PSG6: variants seen among roughly 807,000 people sequenced by gnomAD.
The protein encoded by PSG6 is pregnancy specific beta-1-glycoprotein 6.
A neutral mutation model predicts 43.3 loss-of-function variants in PSG6; 51 were observed. That is an observed-to-expected ratio of 1.18 (90% CI 0.94 to 1.49). PSG6 has a LOEUF of 1.49. Among genes scored for constraint, PSG6 ranks in the 40% most tolerant of loss-of-function variants. PSG6 has a pLI of 0.00. For synonymous variants in PSG6, 292 were observed against 197.6 expected, an observed-to-expected ratio of 1.48 and a Z score of -4.01; for missense variants, 770 against 522.2, an observed-to-expected ratio of 1.47 and a Z score of -4.62.
At chr19:42,911,426 C>A (rs1379359049) in intron 2 of PSG6, among the ~76,000 whole-genome samples, 1 of 151,190 alleles carries the variant, frequency 6.6e-6, no homozygotes, top group African/African-American at 2.4e-5. Context: ...AGTCATCAGG[C>A]AGTGGAGCCA....
At position 42,916,386 on chromosome 19, in the gene PSG6, G is replaced by A. The variant is rs776844168; in HGVS notation, c.166C>T (p.His56Tyr). The stretch of plus-strand genomic sequence containing the variant: ...CCAGTAAGATTCTGGGGCAAATTGT[G>A]GACAAGTAGAAGAACATCCTTCCCC... Reference protein sequence around the residue: ...SEGKDVLLLVHNLPQNLTGYI... With the variant: ...SEGKDVLLLVYNLPQNLTGYI... Residue 56 changes from histidine (H) to tyrosine (Y), a missense_variant, in exon 2 of 6, where the codon CAC becomes TAC. Coordinates refer to ENST00000187910, the MANE Select transcript of PSG6 (RefSeq NM_001031850.4). 1 of 1,612,008 alleles carries A rather than the reference G, an allele frequency of 6.2e-7. No homozygotes were observed. The highest frequency in any genetic ancestry group is 1.3e-5 in the African/African-American group (1 of 74,636).
chr19:42,914,420 A>G lies in PSG6; in HGVS notation c.427+1705T>C, dbSNP rs568853764. On this transcript the variant is annotated intron_variant, in intron 2 of 5. Coordinates refer to ENST00000187910, the MANE Select transcript of PSG6 (RefSeq NM_001031850.4). ...CCAGTCAGAATGAAGTGGGAGGAAG[A>G]TGAGGGACACAGAGAAGCAGAGAGA... Among the ~76,000 whole-genome samples, 312 of 150,102 alleles carry G rather than the reference A, an allele frequency of 2.1e-3. 5 individuals are homozygous for G. Among genetic ancestry groups the G allele is most frequent in the Admixed American group, 3.3e-3 (49 of 15,034 alleles).
rs147151035 is a variant in PSG6, at chr19:42,906,917, C to T, written c.1240+5G>A. 690 of 1,612,308 alleles carry T rather than the reference C, an allele frequency of 4.3e-4. 16 individuals carry two copies. In the African/African-American group the frequency reaches 8.1e-3, roughly 19 times the overall value. On this transcript the variant is annotated splice_donor_5th_base_variant and intron_variant, in intron 5 of 5. Transcript: ENST00000187910. ...CTATTGCCAAGGATGCTGGGATCCACTTACCAGAGACTTTGACTATCATGG... is the reference window on the plus strand; with the variant it reads ...CTATTGCCAAGGATGCTGGGATCCATTTACCAGAGACTTTGACTATCATGG...
At chr19:42,913,872 CA>C (rs1378141248) in intron 2 of PSG6, among the ~76,000 whole-genome samples, 1 of 151,498 alleles carries the variant, frequency 6.6e-6, no homozygotes, top group Non-Finnish European at 1.5e-5. Flanking sequence ...CAGCAGTACT[CA>C]TTTTTTAGTC....
rs560409163 is a variant in PSG6, at chr19:42,905,159, T to C, written c.1240+1763A>G. 5.9e-4 allele frequency among the ~76,000 whole-genome samples: 90 copies of C among 151,386 alleles called. 3 individuals carry two copies. Among genetic ancestry groups the C allele is most frequent in the Non-Finnish European group, 9.3e-4 (63 of 67,808 alleles). On this transcript the variant is annotated intron_variant, in intron 5 of 5. Transcript: ENST00000187910. ...TAGATCAAAGATCTAAATGTAAGAG[T>C]AAAAACTATACAACTCTTAGAAGAA...
intron 3 of PSG6, chr19:42,910,180 C>A (rs184505642): frequency 3.0e-6 from 1 of 336,926 alleles, no homozygotes; most frequent in Non-Finnish European, 5.6e-6. Context: ...CCATGCGGAG[C>A]AAAGAGAATA....
rs770737620 is a variant in PSG6, at chr19:42,916,197, AG to A, written c.354del (p.Tyr119ThrfsTer6). 8.1e-6 allele frequency: 13 copies of A among 1,612,146 alleles called. 1 individual carries two copies. In the African/African-American group the frequency reaches 1.3e-4, roughly 17 times the overall value. ...CCTCGCTTTATGATGTGTAAGGTGTAGGATCCTGCATCCTCCTGTGTGACAT... is the reference window on the plus strand; with the variant it reads ...CCTCGCTTTATGATGTGTAAGGTGTAGATCCTGCATCCTCCTGTGTGACAT... The part of the protein sequence containing the change: ...IQNVTQEDAG[S>X]YTLHIIKRGD... On this transcript the variant is annotated frameshift_variant, in exon 2 of 6. Transcript: ENST00000187910. LOFTEE classifies it high-confidence loss of function.
Position 42,914,620 on chromosome 19 carries a change from G to T in PSG6, c.427+1505C>A, listed in dbSNP as rs1199502192. 5.3e-5 allele frequency among the ~76,000 whole-genome samples: 8 copies of T among 151,392 alleles called. No individual in the cohort carries two copies. In the East Asian group the frequency reaches 9.7e-4, roughly 18 times the overall value. On this transcript the variant is annotated intron_variant, in intron 2 of 5. Transcript: ENST00000187910. ...GCTTTAGGGTCAAGAGGTAGTGGGG[G>T]GATGAAACATGGGTGTCAGCCTCTG...
chr19:42,912,716 C>T (rs1252257323), intron 2 of PSG6, among the ~76,000 whole-genome samples: 1 of 151,772 alleles, frequency 6.6e-6, no homozygotes, highest in Admixed American at 6.6e-5. Flanking sequence ...TCAGGAAACA[C>T]CACTAAAATT....
At position 42,916,731 on chromosome 19, in the gene PSG6, C is replaced by G. The variant is rs543366535; in HGVS notation, c.65-244G>C. 2.0e-4 allele frequency among the ~76,000 whole-genome samples: 30 copies of G among 151,186 alleles called. 1 individual carries two copies. The highest frequency in any genetic ancestry group is 6.8e-4 in the African/African-American group (28 of 41,186). ...ATTCCTTCAACACTCCTGACCTTGGCATTTTTCTGTTTGCAATCCTCTTCC... is the reference window on the plus strand; with the variant it reads ...ATTCCTTCAACACTCCTGACCTTGGGATTTTTCTGTTTGCAATCCTCTTCC... On this transcript the variant is annotated intron_variant, in intron 1 of 5. Transcript: ENST00000187910.
intron 5 of PSG6, 65 bp downstream of exon 5, chr19:42,906,857 C>G (rs943567314): frequency 1.1e-5 from 18 of 1,610,570 alleles, no homozygotes; most frequent in Non-Finnish European, 1.5e-5. Flanking sequence ...TTTCCTGACT[C>G]TTCTCTGAAA....
intron 4 of PSG6, 47 bp downstream of exon 4, chr19:42,907,529 G>C: frequency 6.2e-7 from 1 of 1,605,982 alleles, no homozygotes; most frequent in Non-Finnish European, 8.5e-7. Context: ...CTGGTCGTTT[G>C]GAGTTAAGCT....
Position 42,913,375 on chromosome 19 carries a change from C to A in PSG6, c.428-2517G>T, listed in dbSNP as rs184953040. On this transcript the variant is annotated intron_variant, in intron 2 of 5. Coordinates refer to ENST00000187910, the MANE Select transcript of PSG6 (RefSeq NM_001031850.4). ...CCATGTTAGCCAGGATGGTCTCTAT[C>A]TCCTGACCTTGTGCCCGCCTCAGCC... Among the ~76,000 whole-genome samples, 47 of 151,850 alleles carry A rather than the reference C, an allele frequency of 3.1e-4. 1 individual carries two copies. Among genetic ancestry groups the A allele is most frequent in the African/African-American group, 1.1e-3 (45 of 41,424 alleles).
chr19:42,908,426 A>G (rs1313772598), intron 3 of PSG6, among the ~76,000 whole-genome samples: 4 of 151,752 alleles, frequency 2.6e-5, no homozygotes, highest in African/African-American at 9.7e-5. Flanking sequence ...ATCAGGCACT[A>G]GAGGCACCAG....
At chr19:42,906,879 T>C (rs753464800) in intron 5 of PSG6, 43 bp downstream of exon 5, 1 of 1,611,506 alleles carries the variant, frequency 6.2e-7, no homozygotes, top group South Asian at 1.1e-5. Context: ...CCAGATAGAC[T>C]CCACCTAAAA....
intron 5 of PSG6, among the ~76,000 whole-genome samples, chr19:42,905,635 C>G (rs1396331090): frequency 6.6e-6 from 1 of 151,632 alleles, no homozygotes; most frequent in Non-Finnish European, 1.5e-5. Flanking sequence ...TACAGAGAAG[C>G]ATTACTCACA....
chr19:42,917,279 G>T (rs1200345267), intron 1 of PSG6, among the ~76,000 whole-genome samples: 1 of 150,636 alleles, frequency 6.6e-6, no homozygotes, highest in Non-Finnish European at 1.5e-5. Flanking sequence ...TTCCTATTTT[G>T]ACCCCTGTCC....
At chr19:42,905,870 A>C (rs1972103095) in intron 5 of PSG6, among the ~76,000 whole-genome samples, 1 of 151,682 alleles carries the variant, frequency 6.6e-6, no homozygotes, top group Admixed American at 6.6e-5. Flanking sequence ...TAGAATAGCC[A>C]GTTACATAGA....
In PSG6 at chr19:42,907,076, C is replaced by T. The variant is rs763828030; in HGVS notation, c.1086G>A (p.Glu362=). The T allele has an allele frequency of 2.5e-6, 4 of 1,612,584 alleles. 1 individual carries two copies. The highest frequency in any genetic ancestry group is 2.5e-6 in the Non-Finnish European group (3 of 1,179,278). ...ACTTCCCATTAATTGTCCAAGAATA[C>T]TCTGCCGGTGGGTTAGAGTCCGCAA... ...SCFADSNPPA[E]YSWTINGKFQ... is the part of the protein sequence containing the mutation. The change falls in exon 5 of 6, where the codon GAG becomes GAA. Residue 362 remains glutamate, a synonymous_variant. Coordinates refer to ENST00000187910, the MANE Select transcript of PSG6 (RefSeq NM_001031850.4).
Sources: allele counts gnomAD v4.1 joint callset (sites outside exome capture counted in the v4.1 genomes callset), GRCh38; gene constraint gnomAD v4.1.1; transcripts MANE v1.5; gene names NCBI Gene and HGNC (gene_info 2026-07-23, HGNC 2026-07-21).